GPC5: variants seen among roughly 807,000 people sequenced by gnomAD.
GPC5 encodes the protein glypican 5.
Under a neutral mutation model 53.9 loss-of-function variants are expected in GPC5, and 47 were observed. The observed-to-expected ratio is 0.87, with a 90% CI of 0.69 to 1.11. The LOEUF (loss-of-function observed/expected upper bound fraction) is 1.11. GPC5 is among the 50% of genes most tolerant of loss of function. The probability of loss-of-function intolerance (pLI) is 0.00; values close to 1 mark genes in which losing one functional copy is unlikely to be tolerated. For missense variants in GPC5, 748 were observed against 713.1 expected, an observed-to-expected ratio of 1.05 and a Z score of -0.56; for synonymous variants, 286 against 263.3, an observed-to-expected ratio of 1.09 and a Z score of -0.84.
At chr13:92,384,737 T>C (rs1347654494) in intron 7 of GPC5, among the ~76,000 whole-genome samples, 1 of 152,066 alleles carries the variant, frequency 6.6e-6, no homozygotes, top group Non-Finnish European at 1.5e-5. Context: ...GTGTGAGAAA[T>C]TTAGAGAGAG....
chr13:92,335,718 G>T (rs867740106), intron 7 of GPC5, among the ~76,000 whole-genome samples: 9 of 152,098 alleles, frequency 5.9e-5, no homozygotes, highest in African/African-American at 2.2e-4. Context: ...TCTAGGGCAG[G>T]GTTAAAATGC....
intron 7 of GPC5, among the ~76,000 whole-genome samples, chr13:92,413,711 A>C (rs1876151217): frequency 6.6e-6 from 1 of 152,296 alleles, no homozygotes; most frequent in South Asian, 2.1e-4. Context: ...CTTAGATAAA[A>C]ATAGAGAACT....
rs191105482 is a variant in GPC5, at chr13:91,959,727, A to G, written c.1401+51670A>G. 1.5e-3 allele frequency among the ~76,000 whole-genome samples: 227 copies of G among 152,144 alleles called. 1 individual carries two copies. The Middle Eastern group carries it at 0.051, about 34-fold the overall frequency. On this transcript the variant is annotated intron_variant, in intron 6 of 7. Coordinates refer to ENST00000377067, the MANE Select transcript of GPC5 (RefSeq NM_004466.6). ...CAAATAATATAACATAAGATTTCAT[A>G]TTGTAATATGTAATAATATATCGTA...
intron 7 of GPC5, among the ~76,000 whole-genome samples, chr13:92,727,572 G>T (rs1888681279): frequency 6.6e-6 from 1 of 151,136 alleles, no homozygotes; most frequent in Admixed American, 6.6e-5. Flanking sequence ...TATTACAAGT[G>T]GCCCCATTCA....
intron 7 of GPC5, chr13:92,701,649 T>C (rs1887745751): frequency 6.6e-6 from 1 of 152,104 alleles, no homozygotes; most frequent in African/African-American, 2.4e-5. Flanking sequence ...GTGGAATAAC[T>C]GTAAGAAAGG....
At chr13:92,712,284 C>T (rs7320160) in intron 7 of GPC5, among the ~76,000 whole-genome samples, 45 of 151,904 alleles carry the variant, frequency 3.0e-4, no homozygotes, top group African/African-American at 6.3e-4. Flanking sequence ...AAAAATTTGA[C>T]GACATAGATG....
intron 5 of GPC5, among the ~76,000 whole-genome samples, chr13:91,759,706 A>ATT (rs151291924): frequency 6.6e-5 from 10 of 150,400 alleles, no homozygotes; most frequent in East Asian, 3.9e-4. Context: ...TTAGAATGAG[A>ATT]TTTTTTTTTT....
At chr13:91,604,432 T>C (rs2033288314) in intron 2 of GPC5, among the ~76,000 whole-genome samples, 1 of 151,884 alleles carries the variant, frequency 6.6e-6, no homozygotes, top group African/African-American at 2.4e-5. Flanking sequence ...TGTGTCTTTA[T>C]AGCAGCATGA....
intron 7 of GPC5, among the ~76,000 whole-genome samples, chr13:92,530,487 A>AT (rs753116091): frequency 1.2e-3 from 188 of 151,326 alleles, no homozygotes; most frequent in Non-Finnish European, 2.1e-3. Context: ...TTTTGTTTTT[A>AT]TTTTTTTTTC....
intron 1 of GPC5, among the ~76,000 whole-genome samples, chr13:91,438,253 C>T (rs1312204583): frequency 6.6e-6 from 1 of 152,132 alleles, no homozygotes; most frequent in Non-Finnish European, 1.5e-5. Context: ...TTTAGAGTTT[C>T]CAGTTTTTCT....
intron 7 of GPC5, among the ~76,000 whole-genome samples, chr13:92,561,229 T>C (rs963216374): frequency 6.6e-6 from 1 of 151,986 alleles, no homozygotes; most frequent in Non-Finnish European, 1.5e-5. Context: ...GCTGCGCTTA[T>C]TTACATACGA....
intron 2 of GPC5, among the ~76,000 whole-genome samples, chr13:91,638,066 A>G (rs1349313206): frequency 1.3e-5 from 2 of 152,202 alleles, no homozygotes; most frequent in Non-Finnish European, 2.9e-5. Flanking sequence ...CAAATGTAGG[A>G]AAACAGCAAG....
chr13:92,116,891 T>A (rs1411553585), intron 6 of GPC5, among the ~76,000 whole-genome samples: 1 of 152,230 alleles, frequency 6.6e-6, no homozygotes, highest in African/African-American at 2.4e-5. Flanking sequence ...TTTGTTGGGT[T>A]GATGGTTTCT....
chr13:91,776,902 ATAAT>A (rs2138710244), intron 5 of GPC5, among the ~76,000 whole-genome samples: 1 of 152,330 alleles, frequency 6.6e-6, no homozygotes, highest in East Asian at 1.9e-4. Flanking sequence ...CCATCAGAAA[ATAAT>A]TAAATCTCTC....
chr13:92,648,641 T>C (rs1340015929), intron 7 of GPC5, among the ~76,000 whole-genome samples: 1 of 152,176 alleles, frequency 6.6e-6, no homozygotes, highest in Non-Finnish European at 1.5e-5. Context: ...TCTTGATTTG[T>C]TGTTTCAGAC....
intron 7 of GPC5, among the ~76,000 whole-genome samples, chr13:92,206,195 T>C: frequency 7.0e-6 from 1 of 143,262 alleles, no homozygotes. Context: ...AGACAGAGTC[T>C]CGGTCTGTCG....
intron 7 of GPC5, among the ~76,000 whole-genome samples, chr13:92,823,504 A>G (rs1213518091): frequency 6.6e-6 from 1 of 152,154 alleles, no homozygotes; most frequent in Non-Finnish European, 1.5e-5. Context: ...GGATTTAAAT[A>G]TCATAGAGTG....
intron 7 of GPC5, among the ~76,000 whole-genome samples, chr13:92,417,521 A>G (rs1262843627): frequency 6.6e-6 from 1 of 152,224 alleles, no homozygotes; most frequent in Admixed American, 6.5e-5. Context: ...CCATATGTTC[A>G]TACAAAAACT....
At chr13:91,699,607 G>A (rs971941251) in intron 3 of GPC5, among the ~76,000 whole-genome samples, 1 of 152,138 alleles carries the variant, frequency 6.6e-6, no homozygotes, top group Non-Finnish European at 1.5e-5. Context: ...AAAAAGAAAA[G>A]GCATAAGAAT....
Sources: allele counts gnomAD v4.1 joint callset (sites outside exome capture counted in the v4.1 genomes callset), GRCh38; gene constraint gnomAD v4.1.1; transcripts MANE v1.5; gene names NCBI Gene and HGNC (gene_info 2026-07-23, HGNC 2026-07-21).